RAP1GDS1: variants seen among roughly 807,000 people sequenced by gnomAD.
The protein encoded by RAP1GDS1 is Rap1 GTPase-GDP dissociation stimulator 1, also known as RAP1, GTP-GDP dissociation stimulator 1.
In RAP1GDS1, 35 loss-of-function variants were observed where a neutral mutation model predicts 71.1. The observed-to-expected ratio is 0.49, with a 90% CI of 0.38 to 0.65. The LOEUF (loss-of-function observed/expected upper bound fraction) is 0.65, where lower values mean the gene tolerates loss of function less well. RAP1GDS1 is among the 30% of genes least tolerant of loss of function. The probability of loss-of-function intolerance (pLI) is 0.00; values close to 1 mark genes in which losing one functional copy is unlikely to be tolerated. For missense variants in RAP1GDS1, 663 were observed against 706.1 expected (o/e 0.94, Z 0.69); for synonymous variants, 229 against 243.1 (o/e 0.94, Z 0.54).
chr4:98,343,099 A>G (rs1560870812), intron 2 of RAP1GDS1, 40 bp from the exon 3 acceptor site: 1 of 1,557,310 alleles, frequency 6.4e-7, no homozygotes, highest in Non-Finnish European at 8.7e-7. Flanking sequence ...TGTTAGCATT[A>G]AAGATTTTCA....
In RAP1GDS1 at chr4:98,287,521, C is replaced by T. The variant is rs545251359; in HGVS notation, c.5-5887C>T. 2.6e-5 allele frequency among the ~76,000 whole-genome samples: 4 copies of T among 152,162 alleles called. No homozygotes were observed. In the East Asian group the frequency reaches 7.7e-4, roughly 29 times the overall value. ...TAGGCACAGAGTTACAATGTCATTG[C>T]AACCTGGAGAGTCATACTGGGAGCA... On this transcript the variant is annotated intron_variant, in intron 1 of 14. Coordinates refer to ENST00000408927, the MANE Select transcript of RAP1GDS1 (RefSeq NM_001100427.2).
At chr4:98,435,226 T>C (rs1248461494) in intron 13 of RAP1GDS1, among the ~76,000 whole-genome samples, 1 of 152,188 alleles carries the variant, frequency 6.6e-6, no homozygotes, top group Non-Finnish European at 1.5e-5. Flanking sequence ...GAATGGACCC[T>C]CCAACCCCAG....
chr4:98,261,870 G>T (rs1173396141), intron 1 of RAP1GDS1, among the ~76,000 whole-genome samples: 1 of 152,242 alleles, frequency 6.6e-6, no homozygotes, highest in South Asian at 2.1e-4. Context: ...CGGGCACCAC[G>T]GAGCCTGCCT....
chr4:98,278,734 T>G (rs1433836009), intron 1 of RAP1GDS1, among the ~76,000 whole-genome samples: 1 of 152,070 alleles, frequency 6.6e-6, no homozygotes, highest in Non-Finnish European at 1.5e-5. Flanking sequence ...ATGAAGGAAA[T>G]GGGGGGCCTA....
chr4:98,264,455 A>G (rs898958807), intron 1 of RAP1GDS1, among the ~76,000 whole-genome samples: 5 of 152,162 alleles, frequency 3.3e-5, no homozygotes, highest in Non-Finnish European at 7.3e-5. Flanking sequence ...AGAGTGAAAG[A>G]AAAGTCCTAT....
chr4:98,421,369 C>G lies in RAP1GDS1; in HGVS notation c.1415C>G (p.Ala472Gly). Reference sequence around the variant, plus strand: ...GGGGAGTCAAACAGACTGCTGTCTGCCCTTATACGACACAGTAAATCAAAA... The same window carrying G: ...GGGGAGTCAAACAGACTGCTGTCTGGCCTTATACGACACAGTAAATCAAAA... ...VMGESNRLLS[A>G]LIRHSKSKDV... The change falls in exon 12 of 15, where the codon GCC becomes GGC. Residue 472 changes from alanine (A) to glycine (G), a missense_variant. Physicochemically the swap from Ala to Gly is moderately conservative, Grantham distance 60. Transcript: ENST00000408927. The G allele has an allele frequency of 6.2e-7, 1 of 1,603,946 alleles. No homozygotes were observed. Among genetic ancestry groups the G allele is most frequent in the Non-Finnish European group, 8.5e-7 (1 of 1,174,474 alleles).
At position 98,379,095 on chromosome 4, in the gene RAP1GDS1, C is replaced by T; in HGVS notation, c.440C>T (p.Thr147Ile). The T allele has an allele frequency of 1.2e-6, 2 of 1,610,900 alleles. No homozygotes were observed. The highest frequency in any genetic ancestry group is 1.7e-4 in the Middle Eastern group (1 of 6,048). Residue 147 changes from threonine to isoleucine, a missense_variant, in exon 5 of 15, where the codon ACA (threonine) becomes ATA (isoleucine). Physicochemically the swap from Thr to Ile is moderately conservative, Grantham distance 89. Coordinates refer to ENST00000408927, the MANE Select transcript of RAP1GDS1 (RefSeq NM_001100427.2). ...IDHLRSLCSI[T>I]DPANEKLLTV... ...CATTTAAGGTCACTGTGCAGTATAA[C>T]AGATCCCGCCAATGAGAAGCTCTTG... is the stretch of plus-strand genomic sequence containing the variant.
At chr4:98,426,807 C>G (rs1022714674) in intron 12 of RAP1GDS1, among the ~76,000 whole-genome samples, 2 of 152,094 alleles carry the variant, frequency 1.3e-5, no homozygotes, top group Admixed American at 6.5e-5. Context: ...ATAATTGGTA[C>G]CAATCCTATT....
intron 14 of RAP1GDS1, chr4:98,441,318 G>A: frequency 1.0e-6 from 1 of 977,916 alleles, no homozygotes; most frequent in Admixed American, 6.1e-5. Context: ...TCTTGTAATT[G>A]AAGTTAAATA....
intron 4 of RAP1GDS1, among the ~76,000 whole-genome samples, chr4:98,358,797 A>G (rs1433506859): frequency 6.6e-6 from 1 of 151,992 alleles, no homozygotes; most frequent in African/African-American, 2.4e-5. Context: ...CATTGTACCA[A>G]TGTCAGTGTC....
At chr4:98,314,713 A>G (rs149363841) in intron 2 of RAP1GDS1, among the ~76,000 whole-genome samples, 1 of 152,320 alleles carries the variant, frequency 6.6e-6, no homozygotes, top group East Asian at 1.9e-4. Context: ...TAAGTAATAT[A>G]TAAGTTTTAA....
At chr4:98,391,466 A>G (rs1003548458) in intron 5 of RAP1GDS1, among the ~76,000 whole-genome samples, 3 of 152,070 alleles carry the variant, frequency 2.0e-5, no homozygotes, top group African/African-American at 7.2e-5. Flanking sequence ...TTGTGTATTT[A>G]TTAAATATTT....
intron 2 of RAP1GDS1, among the ~76,000 whole-genome samples, chr4:98,335,963 A>T (rs557436861): frequency 2.4e-4 from 36 of 152,218 alleles, no homozygotes; most frequent in African/African-American, 8.4e-4. Context: ...AACAGTGTAT[A>T]CTCCTATTGG....
rs556926977 is a variant in RAP1GDS1, at chr4:98,400,882, A to G, written c.638-3595A>G. Among the ~76,000 whole-genome samples, 3 of 152,318 alleles carry G rather than the reference A, an allele frequency of 2.0e-5. 1 individual carries two copies. The highest frequency in any genetic ancestry group is 2.1e-4 in the South Asian group (1 of 4,826). The stretch of plus-strand genomic sequence containing the variant: ...ATTTTTTGAGGGAAAATGACTTCCA[A>G]CATAGAATCCTATACTCTGTCATAC... On this transcript the variant is annotated intron_variant, in intron 6 of 14. Coordinates refer to ENST00000408927, the MANE Select transcript of RAP1GDS1 (RefSeq NM_001100427.2).
chr4:98,411,793 G>C (rs1181738100), intron 7 of RAP1GDS1, among the ~76,000 whole-genome samples: 1 of 152,152 alleles, frequency 6.6e-6, no homozygotes, highest in Non-Finnish European at 1.5e-5. Context: ...AGTACACGAA[G>C]GAGAGTGATT....
At chr4:98,265,903 A>G (rs7671120) in intron 1 of RAP1GDS1, among the ~76,000 whole-genome samples, 2,265 of 152,230 alleles carry the variant, frequency 0.015, 50 homozygotes, top group African/African-American at 0.051. Flanking sequence ...CTAAAAAGCC[A>G]CTTTAAGAGG....
At chr4:98,345,023 A>G (rs9996568) in intron 3 of RAP1GDS1, among the ~76,000 whole-genome samples, 21,534 of 151,978 alleles carry the variant, frequency 0.14, 2,222 homozygotes, top group African/African-American at 0.28. Context: ...TGTAAAGACA[A>G]GGTCTCCCTA....
chr4:98,418,835 C>T (rs779285478), intron 10 of RAP1GDS1, 44 bp downstream of exon 10: 1 of 1,487,304 alleles, frequency 6.7e-7, no homozygotes, highest in Non-Finnish European at 8.9e-7. Flanking sequence ...AAATAAAATC[C>T]ATCATTTGGG....
chr4:98,326,174 C>T (rs1361075836), intron 2 of RAP1GDS1, among the ~76,000 whole-genome samples: 2 of 152,052 alleles, frequency 1.3e-5, no homozygotes, highest in African/African-American at 4.8e-5. Context: ...CTTAATTCTT[C>T]CCTCTTCCAA....
Sources: allele counts gnomAD v4.1 joint callset (sites outside exome capture counted in the v4.1 genomes callset), GRCh38; gene constraint gnomAD v4.1.1; transcripts MANE v1.5; gene names NCBI Gene and HGNC (gene_info 2026-07-23, HGNC 2026-07-21).